The following PCSK6 variants were observed in gnomAD, a reference collection of about 807,000 sequenced individuals.
The protein encoded by PCSK6 is paired basic amino acid cleaving enzyme 4.
A neutral mutation model predicts 123.3 loss-of-function variants in PCSK6; 85 were observed. The ratio of observed to expected loss-of-function variants is 0.69; its 90% CI spans 0.58 to 0.83. The LOEUF (loss-of-function observed/expected upper bound fraction) is 0.83, where lower values mean the gene tolerates loss of function less well. Ranked by LOEUF, PCSK6 falls within the 40% of genes least tolerant of loss-of-function variation. PCSK6 has a pLI of 0.00. For missense variants in PCSK6, 1,191 were observed against 1,282.3 expected (o/e 0.93, Z 1.09); for synonymous variants, 508 against 516.0 (o/e 0.98, Z 0.21).
At chr15:101,318,252 G>A (rs1302847651) in intron 19 of PCSK6, 67 bp downstream of exon 19, 12 of 1,179,060 alleles carry the variant, frequency 1.0e-5, no homozygotes, top group African/African-American at 3.1e-5. Flanking sequence ...GGGCTTTCTC[G>A]GGTTCAAGGC....
chr15:101,379,770 G>T (rs972207018), intron 11 of PCSK6, among the ~76,000 whole-genome samples: 2 of 152,206 alleles, frequency 1.3e-5, no homozygotes, highest in Non-Finnish European at 2.9e-5. Flanking sequence ...TAGCAGCTGG[G>T]AACCCCGATG....
intron 13 of PCSK6, among the ~76,000 whole-genome samples, chr15:101,338,543 C>A (rs2040534511): frequency 6.6e-6 from 1 of 152,232 alleles, no homozygotes; most frequent in Non-Finnish European, 1.5e-5. Context: ...AGGGTCTACA[C>A]TCAACAGAAC....
rs901742162 is a variant in PCSK6 at position 101,382,349 on chromosome 15, G to C, written c.1415-140C>G. Reference sequence around the variant, plus strand: ...GTCTCCTGGGGGCCCCAGGCTGCAGGACGGGTCCCCCTGAGGGCTGCTCAA... The same window carrying C: ...GTCTCCTGGGGGCCCCAGGCTGCAGCACGGGTCCCCCTGAGGGCTGCTCAA... On this transcript the variant is annotated intron_variant, in intron 10 of 21. Coordinates refer to ENST00000611716, the MANE Select transcript of PCSK6 (RefSeq NM_002570.5). The C allele has an allele frequency of 6.3e-6, 4 of 639,514 alleles. No individual in the cohort carries two copies. In the African/African-American group the frequency reaches 7.3e-5, roughly 12 times the overall value. 39.6% of individuals were successfully genotyped at this position (639,514 alleles called of 1,614,324 possible).
intron 1 of PCSK6, among the ~76,000 whole-genome samples, chr15:101,473,155 T>C (rs188361333): frequency 5.9e-5 from 9 of 152,036 alleles, no homozygotes; most frequent in Admixed American, 3.9e-4. Context: ...GCTCACTGCA[T>C]AGCCCTGACC....
At chr15:101,385,771 C>T (rs1205783179) in intron 9 of PCSK6, among the ~76,000 whole-genome samples, 2 of 152,136 alleles carry the variant, frequency 1.3e-5, no homozygotes, top group Admixed American at 6.5e-5. Flanking sequence ...AAAGATAACA[C>T]CTACATGTGA....
Position 101,489,170 on chromosome 15 carries a change from C to A in PCSK6, c.297+204G>T, listed in dbSNP as rs1432917279. Among the ~76,000 whole-genome samples the A allele has an allele frequency of 6.2e-5, 8 of 129,214 alleles. 1 individual carries two copies. The highest frequency in any genetic ancestry group is 1.4e-4 in the African/African-American group (5 of 35,056). The allele number at this position is 129,214 out of a possible 152,430, so 84.8% of individuals were successfully genotyped here. ...ACGCGGGACCCCAGTCCCCCCCACC[C>A]CGCCGAGTGTCCCGCGCGCGCCCCC... On this transcript the variant is annotated intron_variant, in intron 1 of 21. Transcript: ENST00000611716.
intron 18 of PCSK6, among the ~76,000 whole-genome samples, chr15:101,322,117 C>A (rs904495547): frequency 6.6e-6 from 1 of 152,090 alleles, no homozygotes; most frequent in Non-Finnish European, 1.5e-5. Context: ...GTGAAGATGT[C>A]AGGAGCTGGG....
In PCSK6 at chr15:101,389,825, G is replaced by T. The variant is rs573267454; in HGVS notation, c.1210-261C>A. 3.0e-4 allele frequency among the ~76,000 whole-genome samples: 45 copies of T among 152,292 alleles called. No individual in the cohort carries two copies. The South Asian group carries it at 4.8e-3, about 16-fold the overall frequency. ...CAGACCGTACGCTTTGATAATAATA[G>T]ATCAGCTGGTTCCCTCTCTACTGCA... On this transcript the variant is annotated intron_variant, in intron 8 of 21. Coordinates refer to ENST00000611716, the MANE Select transcript of PCSK6 (RefSeq NM_002570.5).
intron 13 of PCSK6, among the ~76,000 whole-genome samples, chr15:101,343,133 G>A (rs1032720350): frequency 6.6e-6 from 1 of 152,074 alleles, no homozygotes; most frequent in African/African-American, 2.4e-5. Context: ...TTGTTAAGTT[G>A]TATTTTTTCT....
In PCSK6 at chr15:101,460,734, A is replaced by G. The variant is rs184985194; in HGVS notation, c.298-17074T>C. Among the ~76,000 whole-genome samples, 130 of 152,376 alleles carry G rather than the reference A, an allele frequency of 8.5e-4. 4 individuals are homozygous for G. In the East Asian group the frequency reaches 0.022, roughly 25 times the overall value. On this transcript the variant is annotated intron_variant, in intron 1 of 21. Transcript: ENST00000611716. ...TAATGCAATTAAGCTGGAGGTCAAC[A>G]GGGCAAAGAAAGACTAAACATGTCA...
rs2056359250 is a variant in PCSK6, at chr15:101,429,121, C to A, written c.734+866G>T. Among the ~76,000 whole-genome samples the A allele has an allele frequency of 2.0e-5, 3 of 152,172 alleles. No individual in the cohort carries two copies. The South Asian group carries it at 6.2e-4, about 32-fold the overall frequency. On this transcript the variant is annotated intron_variant, in intron 5 of 21. Transcript: ENST00000611716. ...ACTAAAAGACTATAATCGGGAGACG[C>A]CCCTCAGCAAGAGTCTTGTCAACAG...
intron 11 of PCSK6, 78 bp downstream of exon 11, chr15:101,382,014 C>T: frequency 1.1e-6 from 1 of 941,622 alleles, no homozygotes; most frequent in Non-Finnish European, 1.7e-6. Context: ...TGAACACCTC[C>T]CCCAGCCACA....
chr15:101,370,133 G>C (rs2141465783), intron 12 of PCSK6, among the ~76,000 whole-genome samples: 1 of 152,320 alleles, frequency 6.6e-6, no homozygotes, highest in Non-Finnish European at 1.5e-5. Context: ...GGAAGGCAAG[G>C]TTTCAGGGAG....
chr15:101,306,663 CTT>C (rs902385499), intron 21 of PCSK6, among the ~76,000 whole-genome samples: 1 of 152,254 alleles, frequency 6.6e-6, no homozygotes, highest in Non-Finnish European at 1.5e-5. Flanking sequence ...CTTTGGTGCC[CTT>C]TTAAGTTTCT....
intron 17 of PCSK6, among the ~76,000 whole-genome samples, chr15:101,323,904 A>G (rs1339786311): frequency 6.6e-6 from 1 of 152,168 alleles, no homozygotes; most frequent in Non-Finnish European, 1.5e-5. Context: ...GCTACCTGGA[A>G]GACCACGAGT....
chr15:101,403,439 A>G (rs2042668987), intron 6 of PCSK6, among the ~76,000 whole-genome samples: 1 of 124,094 alleles, frequency 8.1e-6, no homozygotes, highest in Non-Finnish European at 1.5e-5. Context: ...AAAAAAAAAG[A>G]GAGAGAAAAA....
chr15:101,455,802 A>C (rs1287286456), intron 1 of PCSK6, among the ~76,000 whole-genome samples: 2 of 152,254 alleles, frequency 1.3e-5, no homozygotes, highest in Non-Finnish European at 2.9e-5. Context: ...GCTACTGATG[A>C]GGCAGCTGTC....
chr15:101,483,608 G>A (rs1234052670), intron 1 of PCSK6, among the ~76,000 whole-genome samples: 1 of 152,236 alleles, frequency 6.6e-6, no homozygotes, highest in African/African-American at 2.4e-5. Flanking sequence ...CTGAGCTGTT[G>A]TGATTTGGTA....
chr15:101,372,802 C>T (rs758846266), intron 11 of PCSK6, among the ~76,000 whole-genome samples: 1 of 152,324 alleles, frequency 6.6e-6, no homozygotes, highest in African/African-American at 2.4e-5. Flanking sequence ...ACTTCAACAC[C>T]TTTCCAGTGC....
Sources: gnomAD v4.1 joint callset for allele counts (sites outside exome capture counted in the v4.1 genomes callset) on GRCh38, gnomAD v4.1.1 for gene constraint, MANE v1.5 for transcripts, NCBI Gene and HGNC (gene_info 2026-07-23, HGNC 2026-07-21) for gene names.